UBTD1: variants seen among roughly 807,000 people sequenced by gnomAD.
UBTD1 encodes the protein ubiquitin domain containing 1, also known as ubiquitin domain-containing protein 1.
Under a neutral mutation model 21.7 loss-of-function variants are expected in UBTD1, and 19 were observed. That is an observed-to-expected ratio of 0.87 (90% confidence interval 0.61 to 1.28). The LOEUF (loss-of-function observed/expected upper bound fraction) is 1.28, where lower values mean the gene tolerates loss of function less well. UBTD1 is among the 50% of genes most tolerant of loss of function. The pLI is 0.00. For synonymous variants in UBTD1, 116 were observed against 135.1 expected, an observed-to-expected ratio of 0.86 and a Z score of 0.98; for missense variants, 282 against 315.1, an observed-to-expected ratio of 0.89 and a Z score of 0.80.
chr10:97,557,461 G>C (rs188693321), intron 1 of UBTD1, among the ~76,000 whole-genome samples: 1 of 152,032 alleles, frequency 6.6e-6, no homozygotes, highest in African/African-American at 2.4e-5. Flanking sequence ...AGCTAAACAG[G>C]ATCTTTTTTA....
intron 1 of UBTD1, among the ~76,000 whole-genome samples, chr10:97,546,733 T>C (rs1380008669): frequency 6.6e-6 from 1 of 152,140 alleles, no homozygotes; most frequent in Non-Finnish European, 1.5e-5. Flanking sequence ...CCTCCCGCCT[T>C]GCTCCTGCCG....
chr10:97,516,876 C>G (rs2040446974), intron 1 of UBTD1, among the ~76,000 whole-genome samples: 2 of 152,012 alleles, frequency 1.3e-5, no homozygotes, highest in Admixed American at 1.3e-4. Flanking sequence ...GACCAACCTG[C>G]ACCAAAGCCA....
chr10:97,565,452 C>T (rs958005094), intron 1 of UBTD1, among the ~76,000 whole-genome samples: 1 of 152,126 alleles, frequency 6.6e-6, no homozygotes, highest in African/African-American at 2.4e-5. Flanking sequence ...ATGTTGCTTC[C>T]TTCCCATTTT....
intron 1 of UBTD1, among the ~76,000 whole-genome samples, chr10:97,538,228 G>A (rs1467624493): frequency 1.3e-5 from 2 of 151,918 alleles, no homozygotes; most frequent in African/African-American, 2.4e-5. Flanking sequence ...ACAGTGGCTC[G>A]CACCTGTAAT....
chr10:97,561,586 G>A lies in UBTD1; in HGVS notation c.71-6328G>A, dbSNP rs903292988. 3.9e-5 allele frequency among the ~76,000 whole-genome samples: 6 copies of A among 152,230 alleles called. No homozygotes were observed. The East Asian group carries it at 7.7e-4, about 20-fold the overall frequency. On this transcript the variant is annotated intron_variant, in intron 1 of 2. Transcript: ENST00000370664. ...AAGAGAACAGGGCAGAGAGTTTCAC[G>A]ATGTTCTTCTATACAATGTCTGGAA...
At chr10:97,509,245 T>C (rs891441390) in intron 1 of UBTD1, among the ~76,000 whole-genome samples, 1 of 152,234 alleles carries the variant, frequency 6.6e-6, no homozygotes, top group Non-Finnish European at 1.5e-5. Flanking sequence ...GATGTTAAGA[T>C]ACTCAAGGTT....
intron 2 of UBTD1, among the ~76,000 whole-genome samples, chr10:97,569,294 G>A (rs2135690817): frequency 6.6e-6 from 1 of 152,368 alleles, no homozygotes; most frequent in South Asian, 2.1e-4. Context: ...CTTAGTAGGT[G>A]CTCAAGAGAC....
chr10:97,557,311 G>A (rs1321477459), intron 1 of UBTD1, among the ~76,000 whole-genome samples: 1 of 151,964 alleles, frequency 6.6e-6, no homozygotes, highest in African/African-American at 2.4e-5. Flanking sequence ...GCTTACACTA[G>A]GATCTAGTCC....
chr10:97,544,162 C>T (rs1287106938), intron 1 of UBTD1, among the ~76,000 whole-genome samples: 1 of 151,894 alleles, frequency 6.6e-6, no homozygotes, highest in East Asian at 1.9e-4. Flanking sequence ...GTGTAGTGGC[C>T]AGCACCTGTA....
At chr10:97,521,256 G>C (rs939055949) in intron 1 of UBTD1, among the ~76,000 whole-genome samples, 12 of 152,268 alleles carry the variant, frequency 7.9e-5, no homozygotes, top group African/African-American at 2.7e-4. Flanking sequence ...GTGAGACTCT[G>C]CTGGGTGGGC....
intron 1 of UBTD1, among the ~76,000 whole-genome samples, chr10:97,502,068 C>T (rs760490523): frequency 1.3e-5 from 2 of 152,184 alleles, no homozygotes; most frequent in Admixed American, 6.5e-5. Context: ...GTCTCTCTCA[C>T]GCACACACAC....
chr10:97,553,460 T>C (rs1209367728), intron 1 of UBTD1, among the ~76,000 whole-genome samples: 1 of 152,232 alleles, frequency 6.6e-6, no homozygotes. Context: ...GAAATTAATA[T>C]GTTCATCATC....
In UBTD1 at chr10:97,501,000, T is replaced by C. The variant is rs568002403; in HGVS notation, c.70+1727T>C. Among the ~76,000 whole-genome samples, 39 of 152,328 alleles carry C rather than the reference T, an allele frequency of 2.6e-4. 1 individual carries two copies. Among genetic ancestry groups the C allele is most frequent in the Admixed American group, 2.2e-3 (34 of 15,310 alleles). On this transcript the variant is annotated intron_variant, in intron 1 of 2. Transcript: ENST00000370664. ...TTATGTTCTTCCAGCTGCCTAACTT[T>C]AGGCTGTGAAGAGCTCTTTCTCTCA...
intron 1 of UBTD1, among the ~76,000 whole-genome samples, chr10:97,533,015 C>T (rs2040540628): frequency 6.6e-6 from 1 of 152,186 alleles, no homozygotes; most frequent in Non-Finnish European, 1.5e-5. Context: ...ATCCACTTTC[C>T]CAGCTGGAAA....
intron 1 of UBTD1, among the ~76,000 whole-genome samples, chr10:97,564,253 T>C (rs1009900948): frequency 6.6e-6 from 1 of 152,154 alleles, no homozygotes; most frequent in Non-Finnish European, 1.5e-5. Context: ...AGAGGGCTGG[T>C]GTCTGGGACA....
chr10:97,528,970 G>T (rs1193973347), intron 1 of UBTD1, among the ~76,000 whole-genome samples: 1 of 151,514 alleles, frequency 6.6e-6, no homozygotes, highest in Admixed American at 6.6e-5. Context: ...CTCCCGGACA[G>T]GGTGGCTGCC....
chr10:97,499,251 G>C lies in UBTD1; in HGVS notation c.48G>C (p.Pro16=), dbSNP rs552742061. 1.3e-6 allele frequency: 2 copies of C among 1,548,634 alleles called. No individual in the cohort carries two copies. Among genetic ancestry groups the C allele is most frequent in the East Asian group, 2.5e-5 (1 of 40,728 alleles). The change falls in exon 1 of 3, where the codon CCG becomes CCC. Residue 16 remains proline, a synonymous_variant. Transcript: ENST00000370664. ...GRQRRERPAA[P]GHPRKRAGRN... ...AGCGCCGGGAGAGGCCGGCAGCCCC[G>C]GGACACCCCCGCAAGCGAGCAGGTA...
At chr10:97,500,611 C>A (rs1029871229) in intron 1 of UBTD1, among the ~76,000 whole-genome samples, 1 of 152,170 alleles carries the variant, frequency 6.6e-6, no homozygotes, top group African/African-American at 2.4e-5. Context: ...GCATTTTTTG[C>A]TGTTGACAAC....
At chr10:97,562,481 G>T (rs185757644) in intron 1 of UBTD1, among the ~76,000 whole-genome samples, 6 of 152,278 alleles carry the variant, frequency 3.9e-5, no homozygotes, top group Admixed American at 2.6e-4. Flanking sequence ...TTGTGGGCAG[G>T]GGGTGGATCT....
Sources: allele counts gnomAD v4.1 joint callset (sites outside exome capture counted in the v4.1 genomes callset), GRCh38; gene constraint gnomAD v4.1.1; transcripts MANE v1.5; gene names NCBI Gene and HGNC (gene_info 2026-07-23, HGNC 2026-07-21).